NUDT3: variants seen among roughly 807,000 people sequenced by gnomAD.
NUDT3 encodes diphosphoinositol polyphosphate phosphohydrolase 1.
NUDT3 carries 9 observed loss-of-function variants against 23.6 expected under a neutral mutation model. The observed-to-expected ratio is 0.38, with a 90% CI of 0.23 to 0.66. NUDT3 has a LOEUF of 0.66. Among genes scored for constraint, NUDT3 ranks in the 30% least tolerant of loss-of-function variants. The pLI is 0.52. For missense variants in NUDT3, 172 were observed against 218.5 expected (o/e 0.79, Z 1.34); for synonymous variants, 86 against 82.6 (o/e 1.04, Z -0.22).
At chr6:34,378,909 C>T (rs540219801) in intron 1 of NUDT3, among the ~76,000 whole-genome samples, 84 of 152,322 alleles carry the variant, frequency 5.5e-4, no homozygotes, top group African/African-American at 1.9e-3. Context: ...TCTAGTGGCA[C>T]CATTGTGTAT....
intron 2 of NUDT3, among the ~76,000 whole-genome samples, chr6:34,307,010 A>G (rs764900727): frequency 5.9e-5 from 9 of 152,188 alleles, no homozygotes; most frequent in Admixed American, 2.0e-4. Context: ...CCTATGCGCA[A>G]TTTGTGAAGA....
chr6:34,317,219 T>C (rs189655200), intron 2 of NUDT3, among the ~76,000 whole-genome samples: 3 of 152,218 alleles, frequency 2.0e-5, no homozygotes, highest in Non-Finnish European at 2.9e-5. Context: ...GGCTTATACA[T>C]ACTGAGTTTC....
chr6:34,341,785 A>C (rs1764291609), intron 2 of NUDT3, 77 bp downstream of exon 2: 3 of 1,304,804 alleles, frequency 2.3e-6, no homozygotes, highest in Non-Finnish European at 3.2e-6. Context: ...GTGAGTGCTG[A>C]CATATTAAAG....
intron 1 of NUDT3, among the ~76,000 whole-genome samples, chr6:34,347,803 T>C (rs1764400527): frequency 6.6e-6 from 1 of 151,700 alleles, no homozygotes; most frequent in African/African-American, 2.4e-5. Flanking sequence ...GAGTGAGAAA[T>C]ACTTAGCTTG....
intron 1 of NUDT3, among the ~76,000 whole-genome samples, chr6:34,360,035 C>A (rs540388021): frequency 6.6e-6 from 1 of 152,004 alleles, no homozygotes; most frequent in East Asian, 1.9e-4. Context: ...TGGAGACCAG[C>A]CTGACAAAAT....
chr6:34,378,130 G>A (rs1244912306), intron 1 of NUDT3, among the ~76,000 whole-genome samples: 3 of 147,828 alleles, frequency 2.0e-5, no homozygotes, highest in South Asian at 4.2e-4. Context: ...AGATCTTGTC[G>A]CTCCTACCCA....
chr6:34,345,405 T>C (rs114447275), intron 1 of NUDT3, among the ~76,000 whole-genome samples: 14,531 of 151,688 alleles, frequency 0.096, 794 homozygotes, highest in Non-Finnish European at 0.12. Context: ...AGCTCACGGC[T>C]GTAATCCCAG....
At chr6:34,345,560 G>A (rs1366620551) in intron 1 of NUDT3, among the ~76,000 whole-genome samples, 1 of 150,496 alleles carries the variant, frequency 6.6e-6, no homozygotes, top group Non-Finnish European at 1.5e-5. Flanking sequence ...CTACTCAGGA[G>A]GCTGAGGCAG....
At chr6:34,391,782 T>C (rs1432336246) in intron 1 of NUDT3, among the ~76,000 whole-genome samples, 1 of 116,120 alleles carries the variant, frequency 8.6e-6, no homozygotes, top group Non-Finnish European at 1.6e-5. Flanking sequence ...CTCACAGACA[T>C]ATAATCCCTC....
intron 2 of NUDT3, among the ~76,000 whole-genome samples, chr6:34,329,872 T>G (rs1200350687): frequency 6.6e-6 from 1 of 152,144 alleles, no homozygotes; most frequent in Non-Finnish European, 1.5e-5. Flanking sequence ...ATTGTTCAAT[T>G]CCCACCCATG....
At chr6:34,358,866 T>C (rs955332925) in intron 1 of NUDT3, among the ~76,000 whole-genome samples, 3 of 152,136 alleles carry the variant, frequency 2.0e-5, no homozygotes, top group African/African-American at 7.2e-5. Context: ...ATACAGTAAC[T>C]ATATAGGAGA....
At chr6:34,294,275 C>T (rs1763466751) in intron 3 of NUDT3, among the ~76,000 whole-genome samples, 1 of 151,848 alleles carries the variant, frequency 6.6e-6, no homozygotes. Flanking sequence ...TGTGAGCCAC[C>T]ACACCCAGCC....
intron 1 of NUDT3, among the ~76,000 whole-genome samples, chr6:34,378,892 ACT>A (rs1764968947): frequency 6.6e-6 from 1 of 151,248 alleles, no homozygotes; most frequent in Non-Finnish European, 1.5e-5. Flanking sequence ...AGCCACCCAA[ACT>A]CTTCTCTAGT....
rs750510182 is a variant in NUDT3, at chr6:34,287,773, C to T, written c.*980G>A. 6.6e-6 allele frequency: 1 copy of T among 152,142 alleles called. No homozygotes were observed. Among genetic ancestry groups the T allele is most frequent in the African/African-American group, 2.4e-5 (1 of 41,426 alleles). 9.4% of individuals were successfully genotyped at this position (152,142 alleles called of 1,614,324 possible). ...CCATTGTTGGCAATAAATAGCATTA[C>T]GGAAAAGATTCCAAACCAGCAGAAC... On this transcript the variant is annotated 3_prime_UTR_variant, in exon 5 of 5. Transcript: ENST00000607016.
intron 1 of NUDT3, among the ~76,000 whole-genome samples, chr6:34,355,626 T>C (rs1265541263): frequency 7.1e-6 from 1 of 141,636 alleles, no homozygotes; most frequent in Non-Finnish European, 1.5e-5. Context: ...TGTAGAATGA[T>C]ACTACTTCTT....
chr6:34,374,947 A>G (rs1486337980), intron 1 of NUDT3, among the ~76,000 whole-genome samples: 1 of 152,108 alleles, frequency 6.6e-6, no homozygotes, highest in African/African-American at 2.4e-5. Context: ...GGACATCTCT[A>G]CCGTTCTCTT....
intron 1 of NUDT3, among the ~76,000 whole-genome samples, chr6:34,376,057 C>A (rs977341027): frequency 2.0e-5 from 3 of 152,180 alleles, no homozygotes; most frequent in African/African-American, 7.2e-5. Flanking sequence ...ATAGTCCTAA[C>A]TTCTTACTCC....
At chr6:34,295,549 AC>A in intron 3 of NUDT3, 91 bp downstream of exon 3, 1 of 1,451,764 alleles carries the variant, frequency 6.9e-7, no homozygotes, top group Non-Finnish European at 9.3e-7. Context: ...AAAAAAAAAA[AC>A]TCGCTGAAAC....
intron 1 of NUDT3, among the ~76,000 whole-genome samples, chr6:34,364,019 A>C (rs1360443237): frequency 6.6e-6 from 1 of 152,178 alleles, no homozygotes; most frequent in East Asian, 1.9e-4. Context: ...AGAGACGCTA[A>C]CAAGGAAGCT....
Sources: allele counts gnomAD v4.1 joint callset (sites outside exome capture counted in the v4.1 genomes callset), GRCh38; gene constraint gnomAD v4.1.1; transcripts MANE v1.5; gene names NCBI Gene and HGNC (gene_info 2026-07-23, HGNC 2026-07-21).